The following PCDHA6 variants were observed in gnomAD, a reference collection of about 807,000 sequenced individuals.
The protein encoded by PCDHA6 is protocadherin alpha-6.
In PCDHA6, 55 loss-of-function variants were observed where a neutral mutation model predicts 60.3. That is an observed-to-expected ratio of 0.91 (90% CI 0.73 to 1.14). The LOEUF is 1.14. Ranked by LOEUF, PCDHA6 falls within the 50% of genes most tolerant of loss-of-function variation. The pLI, the probability that PCDHA6 is intolerant of heterozygous loss-of-function variation, is 0.00. For missense variants in PCDHA6, 1,327 were observed against 1,256.5 expected (o/e 1.06, Z -0.85); for synonymous variants, 652 against 557.9 (o/e 1.17, Z -2.38).
intron 1 of PCDHA6, chr5:140,883,247 A>C: frequency 6.2e-7 from 1 of 1,614,084 alleles, no homozygotes; most frequent in Non-Finnish European, 8.5e-7. Context: ...TGACAAAGGA[A>C]ATATTCCAAT....
chr5:140,921,212 C>T lies in PCDHA6; in HGVS notation c.2395-57737C>T, dbSNP rs78827164. On this transcript the variant is annotated intron_variant, in intron 1 of 3. Coordinates refer to ENST00000529310, the MANE Select transcript of PCDHA6 (RefSeq NM_018909.4). ...ACAATAGATTGACAACGATAATTCA[C>T]GTCTTTTTTGCTAGATGATATTAAG... is the stretch of plus-strand genomic sequence containing the variant. Among the ~76,000 whole-genome samples the T allele has an allele frequency of 3.7e-3, 555 of 152,020 alleles. 3 individuals carry two copies. Among genetic ancestry groups the T allele is most frequent in the Non-Finnish European group, 5.8e-3 (395 of 67,980 alleles).
intron 1 of PCDHA6, chr5:140,835,731 G>GA: frequency 6.2e-7 from 1 of 1,613,790 alleles, no homozygotes; most frequent in Non-Finnish European, 8.5e-7. Flanking sequence ...CGACGTGAAC[G>GA]ACAACGCCCC....
At position 140,957,560 on chromosome 5, in the gene PCDHA6, G is replaced by A. The variant is rs940495695; in HGVS notation, c.2395-21389G>A. ...TTAGAAAGTATTCTCTGTGGAAAAGGAGGGACTACTGTACTTTTAACAAAG... is the reference window on the plus strand; with the variant it reads ...TTAGAAAGTATTCTCTGTGGAAAAGAAGGGACTACTGTACTTTTAACAAAG... On this transcript the variant is annotated intron_variant, in intron 1 of 3. Transcript: ENST00000529310. 2.0e-5 allele frequency among the ~76,000 whole-genome samples: 3 copies of A among 152,074 alleles called. No homozygotes were observed. In the East Asian group the frequency reaches 5.8e-4, roughly 29 times the overall value.
chr5:140,852,628 G>A, intron 1 of PCDHA6: 1 of 953,102 alleles, frequency 1.0e-6, no homozygotes, highest in Non-Finnish European at 1.3e-6. Context: ...TGGTCTCTGA[G>A]CTCCTGTCAT....
intron 3 of PCDHA6, among the ~76,000 whole-genome samples, chr5:141,007,654 C>T (rs1461130528): frequency 6.6e-6 from 1 of 152,052 alleles, no homozygotes; most frequent in Non-Finnish European, 1.5e-5. Context: ...CCTAAAAAAC[C>T]ATAAATTTAC....
intron 3 of PCDHA6, among the ~76,000 whole-genome samples, chr5:140,990,953 A>G (rs371951430): frequency 6.6e-6 from 1 of 152,194 alleles, no homozygotes; most frequent in Non-Finnish European, 1.5e-5. Flanking sequence ...GACTGTAGAA[A>G]TAGTCTCTTA....
At chr5:140,872,800 C>T (rs2053907687) in intron 1 of PCDHA6, among the ~76,000 whole-genome samples, 2 of 152,078 alleles carry the variant, frequency 1.3e-5, no homozygotes, top group African/African-American at 4.8e-5. Context: ...TGGCATTCTT[C>T]CATAAGTTTT....
In PCDHA6 at chr5:140,967,246, G is replaced by T. The variant is rs569213693; in HGVS notation, c.2395-11703G>T. On this transcript the variant is annotated intron_variant, in intron 1 of 3. Coordinates refer to ENST00000529310, the MANE Select transcript of PCDHA6 (RefSeq NM_018909.4). ...ACTACCAGCTTCAGGTAAGCGAATCGGTGGCGCCTGGAGCGCGCTTTCACA... is the reference window on the plus strand; with the variant it reads ...ACTACCAGCTTCAGGTAAGCGAATCTGTGGCGCCTGGAGCGCGCTTTCACA... The T allele has an allele frequency of 9.6e-5, 155 of 1,613,594 alleles. 2 individuals carry two copies. In the South Asian group the frequency reaches 1.4e-3, roughly 15 times the overall value.
At position 140,858,257 on chromosome 5, in the gene PCDHA6, C is replaced by G; in HGVS notation, c.2394+27772C>G. ...CGCATGTGGGCCGGTGAAGCCCACGCTGGTGTGCTCTAGCGCGGTGGGGAG... is the reference window on the plus strand; with the variant it reads ...CGCATGTGGGCCGGTGAAGCCCACGGTGGTGTGCTCTAGCGCGGTGGGGAG... On this transcript the variant is annotated intron_variant, in intron 1 of 3. Transcript: ENST00000529310. 2 of 1,596,668 alleles carry G rather than the reference C, an allele frequency of 1.3e-6. 1 individual carries two copies. Among genetic ancestry groups the G allele is most frequent in the Non-Finnish European group, 1.7e-6 (2 of 1,166,542 alleles).
chr5:140,858,550 C>T, intron 1 of PCDHA6: 1 of 1,392,416 alleles, frequency 7.2e-7, no homozygotes. Context: ...TCCATTTATG[C>T]TTGAATATTT....
chr5:141,007,393 T>C (rs1485010105), intron 3 of PCDHA6, among the ~76,000 whole-genome samples: 2 of 23,410 alleles, frequency 8.5e-5, no homozygotes, highest in African/African-American at 2.3e-4. Context: ...TCTACTAAAA[T>C]ACAAAAAAAA....
chr5:140,968,035 G>A, intron 1 of PCDHA6: 1 of 1,614,184 alleles, frequency 6.2e-7, no homozygotes, highest in South Asian at 1.1e-5. Flanking sequence ...CACTGGTGGT[G>A]AGCGGCCCAC....
At chr5:140,999,088 G>T (rs1429141341) in intron 3 of PCDHA6, among the ~76,000 whole-genome samples, 1 of 152,156 alleles carries the variant, frequency 6.6e-6, no homozygotes, top group Non-Finnish European at 1.5e-5. Context: ...TCCTTCAGAG[G>T]GCTATGGAGA....
At chr5:140,865,948 A>T (rs1324483727) in intron 1 of PCDHA6, 1 of 152,186 alleles carries the variant, frequency 6.6e-6, no homozygotes, top group African/African-American at 2.4e-5. Flanking sequence ...GATTGTCTTC[A>T]TCATTAATTT....
At chr5:140,877,391 C>T (rs782042077) in intron 1 of PCDHA6, 21 of 1,613,950 alleles carry the variant, frequency 1.3e-5, no homozygotes, top group Non-Finnish European at 1.8e-5. Flanking sequence ...CTGGATGAGG[C>T]GGACGCTCCG....
In PCDHA6 at chr5:140,927,196, G is replaced by A. The variant is rs781932405; in HGVS notation, c.2395-51753G>A. On this transcript the variant is annotated intron_variant, in intron 1 of 3. Coordinates refer to ENST00000529310, the MANE Select transcript of PCDHA6 (RefSeq NM_018909.4). ...CGTCTTGACCTACGACCTGGTGCTC[G>A]AGGACCCGCTGGAGCTGCACAAGAT... The A allele has an allele frequency of 5.6e-6, 9 of 1,614,028 alleles. No homozygotes were observed. In the South Asian group the frequency reaches 7.7e-5, roughly 14 times the overall value.
intron 1 of PCDHA6, among the ~76,000 whole-genome samples, chr5:140,932,061 T>G (rs1009983968): frequency 5.3e-5 from 8 of 152,046 alleles, no homozygotes; most frequent in African/African-American, 1.9e-4. Flanking sequence ...TACTAAAAAT[T>G]ATCAGTTTAA....
chr5:140,974,350 C>A (rs555781549), intron 1 of PCDHA6, among the ~76,000 whole-genome samples: 1 of 152,186 alleles, frequency 6.6e-6, no homozygotes, highest in African/African-American at 2.4e-5. Context: ...GCATCCAGAA[C>A]TAAACAGACC....
intron 1 of PCDHA6, chr5:140,852,541 G>T: frequency 3.7e-6 from 2 of 544,548 alleles, no homozygotes; most frequent in Middle Eastern, 9.4e-4. Context: ...CTCCCAAAGT[G>T]CTGGGATTAA....
Sources: gnomAD v4.1 joint callset for allele counts (sites outside exome capture counted in the v4.1 genomes callset) on GRCh38, gnomAD v4.1.1 for gene constraint, MANE v1.5 for transcripts, NCBI Gene and HGNC (gene_info 2026-07-23, HGNC 2026-07-21) for gene names.